Variants in C17orf75 observed in about 807,000 individuals in gnomAD.
C17orf75 encodes the protein chromosome 17 open reading frame 75.
C17orf75 carries 32 observed loss-of-function variants against 49.6 expected under a neutral mutation model. That is an observed-to-expected ratio of 0.65 (90% confidence interval 0.49 to 0.87). The LOEUF (loss-of-function observed/expected upper bound fraction) is 0.87, where lower values mean the gene tolerates loss of function less well. Among genes scored for constraint, C17orf75 ranks in the 40% least tolerant of loss-of-function variants. C17orf75 has a pLI of 0.00. For synonymous variants in C17orf75, 158 were observed against 159.5 expected, an observed-to-expected ratio of 0.99 and a Z score of 0.07; for missense variants, 428 against 473.9, an observed-to-expected ratio of 0.90 and a Z score of 0.90.
chr17:32,348,486 A>G (rs1191484393), intron 1 of C17orf75, among the ~76,000 whole-genome samples: 1 of 152,188 alleles, frequency 6.6e-6, no homozygotes, highest in Non-Finnish European at 1.5e-5. Flanking sequence ...GTTAAAACTC[A>G]CTACAATGCT....
chr17:32,332,032 C>G, intron 9 of C17orf75, 54 bp from the exon 10 acceptor site: 1 of 1,400,420 alleles, frequency 7.1e-7, no homozygotes, highest in South Asian at 1.2e-5. Context: ...TAATGAAGCT[C>G]AAAAAATAAC....
At chr17:32,345,186 G>C (rs2041415956), upstream of C17orf75, among the ~76,000 whole-genome samples, 3 of 151,506 alleles carry the variant, frequency 2.0e-5, no homozygotes, top group South Asian at 2.1e-4. Context: ...CTTAGAAATA[G>C]AATTTTAGGG....
At chr17:32,334,425 C>T in intron 8 of C17orf75, 44 bp downstream of exon 8, 7 of 1,582,938 alleles carry the variant, frequency 4.4e-6, no homozygotes, top group Non-Finnish European at 4.3e-6. Context: ...AAGATGGGGA[C>T]TCGCAAGAGA....
rs1390840249 is a variant in C17orf75 at position 32,330,200 on chromosome 17, T to C, written c.*1563A>G. The C allele has an allele frequency of 6.6e-6, 1 of 152,212 alleles. No homozygotes were observed. The highest frequency in any genetic ancestry group is 1.5e-5 in the Non-Finnish European group (1 of 68,040). The allele number at this position is 152,212 out of a possible 1,614,324, so 9.4% of individuals were successfully genotyped here. On this transcript the variant is annotated 3_prime_UTR_variant, in exon 10 of 10. Coordinates refer to ENST00000577809, the MANE Select transcript of C17orf75 (RefSeq NM_022344.4). ...TAGATTTTTTTCTATACTGCCTACATTCCAAGTTATTAAAGTTTAAAACCG... is the reference window on the plus strand; with the variant it reads ...TAGATTTTTTTCTATACTGCCTACACTCCAAGTTATTAAAGTTTAAAACCG...
rs572590198 is a variant in C17orf75 at position 32,332,611 on chromosome 17, AAAT to A, written c.976-636_976-634del. Among the ~76,000 whole-genome samples the A allele has an allele frequency of 8.0e-3, 1,219 of 152,258 alleles. 17 individuals are homozygous for A. The highest frequency in any genetic ancestry group is 8.5e-3 in the Non-Finnish European group (575 of 68,026). Reference sequence around the variant, plus strand: ...AAGACCCCGTCTCTACAAAAAATAAAAATAATTAGCTGAGTGTGGTGGTGCACA... The same window carrying A: ...AAGACCCCGTCTCTACAAAAAATAAAAATTAGCTGAGTGTGGTGGTGCACA... On this transcript the variant is annotated intron_variant, in intron 9 of 9. Coordinates refer to ENST00000577809, the MANE Select transcript of C17orf75 (RefSeq NM_022344.4).
At position 32,331,708 on chromosome 17, in the gene C17orf75, A is replaced by G. The variant is rs1404055058; in HGVS notation, c.*55T>C. 45 of 1,408,460 alleles carry G rather than the reference A, an allele frequency of 3.2e-5. No individual in the cohort carries two copies. The highest frequency in any genetic ancestry group is 4.1e-5 in the Non-Finnish European group (41 of 1,000,948). The allele number at this position is 1,408,460 out of a possible 1,614,324, so 87.2% of individuals were successfully genotyped here. A position where few individuals can be genotyped will look rare whatever the true frequency, so the allele number is the denominator to read the frequency against. On this transcript the variant is annotated 3_prime_UTR_variant, in exon 10 of 10. Transcript: ENST00000577809. Reference sequence around the variant, plus strand: ...TATGAACAATTATAACTGCAATTTCAAACACTAAGACTTAAATATACAACT... The same window carrying G: ...TATGAACAATTATAACTGCAATTTCGAACACTAAGACTTAAATATACAACT...
At chr17:32,347,912 G>A (rs955585027) in intron 1 of C17orf75, among the ~76,000 whole-genome samples, 19 of 152,004 alleles carry the variant, frequency 1.2e-4, no homozygotes, top group African/African-American at 4.3e-4. Context: ...GTCTCACTAT[G>A]GTGCCCAGGT....
Position 32,333,100 on chromosome 17 carries a change from T to G in C17orf75, c.975+317A>C, listed in dbSNP as rs1290584875. ...TGCTGGGATTACAGGGGTGAGCCAC[T>G]GCGCCCAGCCCCCATCAGAATTTTG... is the stretch of plus-strand genomic sequence containing the variant. On this transcript the variant is annotated intron_variant, in intron 9 of 9. Coordinates refer to ENST00000577809, the MANE Select transcript of C17orf75 (RefSeq NM_022344.4). Among the ~76,000 whole-genome samples the G allele has an allele frequency of 2.0e-5, 3 of 152,158 alleles. No individual in the cohort carries two copies. The East Asian group carries it at 5.8e-4, about 29-fold the overall frequency.
At position 32,331,745 on chromosome 17, in the gene C17orf75, T is replaced by C. The variant is rs1165222924; in HGVS notation, c.*18A>G. On this transcript the variant is annotated 3_prime_UTR_variant, in exon 10 of 10. Coordinates refer to ENST00000577809, the MANE Select transcript of C17orf75 (RefSeq NM_022344.4). ...TTAAATATACAACTTGATCATACAATTATCTCAAAACATATGATCAAAAAC... is the reference window on the plus strand; with the variant it reads ...TTAAATATACAACTTGATCATACAACTATCTCAAAACATATGATCAAAAAC... 1 of 1,572,572 alleles carries C rather than the reference T, an allele frequency of 6.4e-7. No homozygotes were observed. The highest frequency in any genetic ancestry group is 1.4e-5 in the African/African-American group (1 of 73,988).
intron 5 of C17orf75, among the ~76,000 whole-genome samples, chr17:32,336,628 C>A (rs1349704334): frequency 6.6e-6 from 1 of 152,196 alleles, no homozygotes; most frequent in Non-Finnish European, 1.5e-5. Context: ...AACAGCCATA[C>A]TATTGCATAG....
chr17:32,335,338 G>C lies in C17orf75; in HGVS notation c.654C>G (p.Thr218=). The change falls in exon 6 of 10, where the codon ACC becomes ACG. Residue 218 remains threonine, a synonymous_variant. Transcript: ENST00000577809. The stretch of plus-strand genomic sequence containing the variant: ...CAGTACTTACAGCATGTAGCAGAAA[G>C]GTAAGCTTTTCCTGAAAGAGAAGAA... ...RVVLLFQEKL[T]FLLHAALSYT... 6.2e-7 allele frequency: 1 copy of C among 1,613,878 alleles called. No individual in the cohort carries two copies. Among genetic ancestry groups the C allele is most frequent in the Non-Finnish European group, 8.5e-7 (1 of 1,179,810 alleles).
upstream of C17orf75, chr17:32,343,710 T>G (rs1253446304): frequency 8.2e-5 from 48 of 587,592 alleles, no homozygotes; most frequent in South Asian, 4.9e-4. Flanking sequence ...CTCACCTCTA[T>G]CTCCCATTCA....
At chr17:32,337,613 G>A (rs972118928) in intron 5 of C17orf75, among the ~76,000 whole-genome samples, 12 of 151,688 alleles carry the variant, frequency 7.9e-5, no homozygotes, top group Non-Finnish European at 1.6e-4. Context: ...TAACTCTGTC[G>A]CTCAGGCTGG....
At chr17:32,342,314 G>T, upstream of C17orf75, 2 of 1,078,468 alleles carry the variant, frequency 1.9e-6, no homozygotes, top group Non-Finnish European at 2.5e-6. Context: ...CCCCACAGGG[G>T]CTGACAGGCG....
intron 9 of C17orf75, among the ~76,000 whole-genome samples, chr17:32,332,450 C>CTT (rs1220061005): frequency 6.6e-6 from 1 of 152,230 alleles, no homozygotes; most frequent in South Asian, 2.1e-4. Flanking sequence ...CCAAAAATCT[C>CTT]TTATACAAAA....
At chr17:32,335,474 T>C (rs888270036) in intron 5 of C17orf75, 32 bp from the exon 6 acceptor site, 1 of 1,608,174 alleles carries the variant, frequency 6.2e-7, no homozygotes, top group Non-Finnish European at 8.5e-7. Flanking sequence ...TTTGCTTTAA[T>C]ATAAGCCTTT....
At chr17:32,348,796 G>T (rs1240078375) in intron 1 of C17orf75, among the ~76,000 whole-genome samples, 1 of 151,080 alleles carries the variant, frequency 6.6e-6, no homozygotes, top group Non-Finnish European at 1.5e-5. Context: ...TCTAGGGTTC[G>T]CCAGAACCCG....
Position 32,331,946 on chromosome 17 carries a change from A to G in C17orf75, c.1008T>C (p.Phe336=), listed in dbSNP as rs749459716. Reference sequence around the variant, plus strand: ...AATGATTCATTTCTGCCTGTCGGATAAATCTCTTCAAATTGTTTGTGTCTT... The same window carrying G: ...AATGATTCATTTCTGCCTGTCGGATGAATCTCTTCAAATTGTTTGTGTCTT... The part of the protein sequence containing the change: ...AIQDTNNLKR[F]IRQAEMNHYA... The change falls in exon 10 of 10, where the codon TTT becomes TTC. Residue 336 remains phenylalanine, a synonymous_variant. Coordinates refer to ENST00000577809, the MANE Select transcript of C17orf75 (RefSeq NM_022344.4). 1.2e-6 allele frequency: 2 copies of G among 1,612,828 alleles called. No homozygotes were observed. Among genetic ancestry groups the G allele is most frequent in the African/African-American group, 1.3e-5 (1 of 74,900 alleles).
rs2041307554 is a variant in C17orf75 at position 32,334,544 on chromosome 17, T to A, written c.796A>T (p.Met266Leu). Residue 266 changes from methionine to leucine, a missense_variant, in exon 8 of 10, where the codon ATG becomes TTG. By Grantham distance (15) the Met-to-Leu change is conservative. Transcript: ENST00000577809. ...TTATGCTGCTCCTCTGTCATGGCCA[T>A]GCACAAAGAAGTCATGGTGCCTTCA... ...IHEGTMTSLC[M>L]AMTEEQHKSV... 1 of 1,612,370 alleles carries A rather than the reference T, an allele frequency of 6.2e-7. No homozygotes were observed. Among genetic ancestry groups the A allele is most frequent in the East Asian group, 2.2e-5 (1 of 44,868 alleles).
Sources: allele counts gnomAD v4.1 joint callset (sites outside exome capture counted in the v4.1 genomes callset), GRCh38; gene constraint gnomAD v4.1.1; transcripts MANE v1.5; gene names NCBI Gene and HGNC (gene_info 2026-07-23, HGNC 2026-07-21).